Variants in CDK19 observed in about 807,000 individuals in gnomAD.
CDK19 encodes the protein cyclin dependent kinase 19.
A neutral mutation model predicts 68.3 loss-of-function variants in CDK19; 20 were observed. The ratio of observed to expected loss-of-function variants is 0.29; its 90% confidence interval spans 0.21 to 0.43. The LOEUF (loss-of-function observed/expected upper bound fraction) is 0.43. Among genes scored for constraint, CDK19 ranks in the 20% least tolerant of loss-of-function variants. The pLI, the probability that CDK19 is intolerant of heterozygous loss-of-function variation, is 1.00. For missense variants in CDK19, 339 were observed against 623.5 expected, an observed-to-expected ratio of 0.54 and a Z score of 4.86; for synonymous variants, 221 against 222.8, an observed-to-expected ratio of 0.99 and a Z score of 0.07.
At chr6:110,696,655 C>T (rs1773509184) in intron 2 of CDK19, among the ~76,000 whole-genome samples, 1 of 152,136 alleles carries the variant, frequency 6.6e-6, no homozygotes, top group Non-Finnish European at 1.5e-5. Context: ...GGTGTGGTGG[C>T]TCACGTCTGT....
At chr6:110,767,171 T>C (rs1422328424) in intron 1 of CDK19, among the ~76,000 whole-genome samples, 1 of 149,922 alleles carries the variant, frequency 6.7e-6, no homozygotes, top group Admixed American at 6.7e-5. Context: ...AAAAAAAAAG[T>C]TAACCTCATG....
intron 1 of CDK19, among the ~76,000 whole-genome samples, chr6:110,807,991 G>T (rs1782797712): frequency 6.6e-6 from 1 of 151,986 alleles, no homozygotes; most frequent in African/African-American, 2.4e-5. Flanking sequence ...TAAATTGATA[G>T]TTCTTCAAGT....
intron 2 of CDK19, among the ~76,000 whole-genome samples, chr6:110,744,387 G>C (rs994402557): frequency 6.6e-6 from 1 of 151,858 alleles, no homozygotes; most frequent in Admixed American, 6.6e-5. Flanking sequence ...AGCAAACATA[G>C]GTCCAAGCAT....
rs528275087 is a variant in CDK19 at position 110,741,182 on chromosome 6, G to A, written c.204+4944C>T. On this transcript the variant is annotated intron_variant, in intron 2 of 12. Transcript: ENST00000368911. ...GAAGAAATGATGACTGTGGTGGGGTGCAGCGGTTCATACATGTAATCCTAG... is the reference window on the plus strand; with the variant it reads ...GAAGAAATGATGACTGTGGTGGGGTACAGCGGTTCATACATGTAATCCTAG... Among the ~76,000 whole-genome samples, 5 of 152,146 alleles carry A rather than the reference G, an allele frequency of 3.3e-5. No homozygotes were observed. In the South Asian group the frequency reaches 6.2e-4, roughly 19 times the overall value.
Position 110,610,546 on chromosome 6 carries a change from C to T in CDK19, c.*3989G>A, listed in dbSNP as rs1412778858. 1 of 151,922 alleles carries T rather than the reference C, an allele frequency of 6.6e-6. No homozygotes were observed. The highest frequency in any genetic ancestry group is 2.4e-5 in the African/African-American group (1 of 41,268). The allele number at this position is 151,922 out of a possible 1,614,324, so 9.4% of individuals were successfully genotyped here. A position where few individuals can be genotyped will look rare whatever the true frequency, so the allele number is the denominator to read the frequency against. On this transcript the variant is annotated 3_prime_UTR_variant, in exon 13 of 13. Transcript: ENST00000368911. ...TGATAGCATAGAAGAGTAAGTATGGCCTTAGGTACAACACGTTTTTTAAAA... is the reference window on the plus strand; with the variant it reads ...TGATAGCATAGAAGAGTAAGTATGGTCTTAGGTACAACACGTTTTTTAAAA...
At chr6:110,807,243 G>T (rs1782741803) in intron 1 of CDK19, among the ~76,000 whole-genome samples, 1 of 151,998 alleles carries the variant, frequency 6.6e-6, no homozygotes, top group African/African-American at 2.4e-5. Flanking sequence ...AGACAGACTT[G>T]CTTGAGCCCA....
At chr6:110,760,540 C>A (rs1289052761) in intron 1 of CDK19, among the ~76,000 whole-genome samples, 2 of 151,636 alleles carry the variant, frequency 1.3e-5, no homozygotes, top group African/African-American at 2.4e-5. Context: ...CTAGCCTGGG[C>A]AACACAATGA....
At chr6:110,792,908 A>T (rs1781698990) in intron 1 of CDK19, among the ~76,000 whole-genome samples, 1 of 152,194 alleles carries the variant, frequency 6.6e-6, no homozygotes, top group Non-Finnish European at 1.5e-5. Context: ...ACTTTTATAC[A>T]TTTTGACTCA....
intron 1 of CDK19, among the ~76,000 whole-genome samples, chr6:110,748,910 G>T (rs1713467404): frequency 2.0e-5 from 3 of 152,188 alleles, no homozygotes; most frequent in African/African-American, 4.8e-5. Context: ...CTGAAAAGCA[G>T]GTGAACCTGC....
chr6:110,664,336 C>T (rs1284137076), intron 4 of CDK19, among the ~76,000 whole-genome samples: 1 of 152,196 alleles, frequency 6.6e-6, no homozygotes, highest in Non-Finnish European at 1.5e-5. Flanking sequence ...ATCCCCTACT[C>T]AGAAGCTCTT....
At chr6:110,798,118 G>A (rs1394429328) in intron 1 of CDK19, among the ~76,000 whole-genome samples, 7 of 151,942 alleles carry the variant, frequency 4.6e-5, no homozygotes, top group South Asian at 2.1e-4. Flanking sequence ...CAGATGTACC[G>A]TACTAAAGAA....
At chr6:110,771,183 C>T (rs563131939) in intron 1 of CDK19, among the ~76,000 whole-genome samples, 1 of 152,236 alleles carries the variant, frequency 6.6e-6, no homozygotes, top group Non-Finnish European at 1.5e-5. Flanking sequence ...TCCAACCCCA[C>T]ATTTCCCTTC....
At chr6:110,631,860 C>A (rs1010260326) in intron 6 of CDK19, among the ~76,000 whole-genome samples, 170 bp downstream of exon 6, 26 of 152,204 alleles carry the variant, frequency 1.7e-4, no homozygotes, top group African/African-American at 6.0e-4. Flanking sequence ...TAACCATATT[C>A]TCCTATACAG....
intron 2 of CDK19, among the ~76,000 whole-genome samples, chr6:110,695,230 A>T (rs899252040): frequency 6.6e-6 from 1 of 152,234 alleles, no homozygotes; most frequent in African/African-American, 2.4e-5. Context: ...ATACATGGAA[A>T]TTAAATAATC....
At position 110,610,679 on chromosome 6, in the gene CDK19, CCT is replaced by C. The variant is rs1393098697; in HGVS notation, c.*3854_*3855del. ...ATTACTTGTACTTGAATCCTTCAAG[CCT>C]CTGTTGGTCTAACTGCCATTTCACT... On this transcript the variant is annotated 3_prime_UTR_variant, in exon 13 of 13. Transcript: ENST00000368911. 6.6e-6 allele frequency: 1 copy of C among 152,116 alleles called. No individual in the cohort carries two copies. Among genetic ancestry groups the C allele is most frequent in the Non-Finnish European group, 1.5e-5 (1 of 68,016 alleles). The allele number at this position is 152,116 out of a possible 1,614,324, so 9.4% of individuals were successfully genotyped here.
intron 1 of CDK19, among the ~76,000 whole-genome samples, chr6:110,795,797 C>T (rs1025210409): frequency 2.6e-5 from 4 of 151,960 alleles, no homozygotes; most frequent in African/African-American, 4.8e-5. Context: ...TAAAGCATTG[C>T]ATATTCATAT....
At chr6:110,762,391 G>A (rs1779289609) in intron 1 of CDK19, among the ~76,000 whole-genome samples, 1 of 152,112 alleles carries the variant, frequency 6.6e-6, no homozygotes, top group South Asian at 2.1e-4. Flanking sequence ...CATTCACCAA[G>A]CATGTGTATG....
At chr6:110,765,405 G>A (rs903874513) in intron 1 of CDK19, among the ~76,000 whole-genome samples, 126 of 151,888 alleles carry the variant, frequency 8.3e-4, no homozygotes, top group Non-Finnish European at 1.2e-3. Flanking sequence ...CAGGTCAGAC[G>A]CGGTGGCTCA....
intron 1 of CDK19, among the ~76,000 whole-genome samples, chr6:110,802,110 G>A (rs2115115736): frequency 6.6e-6 from 1 of 152,282 alleles, no homozygotes; most frequent in Admixed American, 6.5e-5. Context: ...AGCCCCTGTG[G>A]AAAGCAGTTT....
Sources: allele counts gnomAD v4.1 joint callset (sites outside exome capture counted in the v4.1 genomes callset), GRCh38; gene constraint gnomAD v4.1.1; transcripts MANE v1.5; gene names NCBI Gene and HGNC (gene_info 2026-07-23, HGNC 2026-07-21).